Variants in VWA3A observed in about 807,000 individuals in gnomAD.
VWA3A encodes von Willebrand factor A domain containing 3A.
A neutral mutation model predicts 160.4 loss-of-function variants in VWA3A; 134 were observed. The ratio of observed to expected loss-of-function variants is 0.84; its 90% CI spans 0.73 to 0.96. The LOEUF (loss-of-function observed/expected upper bound fraction) is 0.96. Ranked by LOEUF, VWA3A falls within the 40% of genes least tolerant of loss-of-function variation. The pLI, the probability that VWA3A is intolerant of heterozygous loss-of-function variation, is 0.00. For synonymous variants in VWA3A, 476 were observed against 543.4 expected (o/e 0.88, Z 1.72); for missense variants, 1,310 against 1,447.9 (o/e 0.90, Z 1.55).
chr16:22,147,702 C>G (rs1286672382), intron 27 of VWA3A: 1 of 701,150 alleles, frequency 1.4e-6, no homozygotes, highest in Non-Finnish European at 2.6e-6. Context: ...TCTCTCCACC[C>G]TCGGTTCACA....
At chr16:22,113,531 G>A (rs1233917721) in intron 8 of VWA3A, among the ~76,000 whole-genome samples, 1 of 149,624 alleles carries the variant, frequency 6.7e-6, no homozygotes, top group Non-Finnish European at 1.5e-5. Flanking sequence ...AGCCTACCAT[G>A]TGTACTATTG....
chr16:22,114,836 G>A (rs2045607611), intron 8 of VWA3A, among the ~76,000 whole-genome samples: 1 of 146,576 alleles, frequency 6.8e-6, no homozygotes, highest in African/African-American at 2.6e-5. Context: ...GTCTCACTCT[G>A]TTGCCCAGGC....
chr16:22,129,867 G>A (rs947152842), intron 17 of VWA3A, among the ~76,000 whole-genome samples: 17 of 152,082 alleles, frequency 1.1e-4, no homozygotes, highest in African/African-American at 4.1e-4. Context: ...GGGATGCTGT[G>A]TTAGTCCATT....
intron 31 of VWA3A, among the ~76,000 whole-genome samples, chr16:22,154,034 C>T (rs570489994): frequency 5.3e-5 from 8 of 152,198 alleles, no homozygotes; most frequent in Admixed American, 2.0e-4. Flanking sequence ...CCGTCAGGCT[C>T]GGCTGGCATA....
intron 16 of VWA3A, among the ~76,000 whole-genome samples, chr16:22,124,091 G>A (rs372469584): frequency 3.2e-4 from 49 of 151,486 alleles, no homozygotes; most frequent in African/African-American, 1.1e-3. Context: ...AGGGGCAGGC[G>A]GGTCGCTTGA....
At chr16:22,155,754 G>T in intron 32 of VWA3A, 90 bp downstream of exon 32, 2 of 1,602,966 alleles carry the variant, frequency 1.2e-6, no homozygotes, top group Non-Finnish European at 1.7e-6. Flanking sequence ...CACCCATGAT[G>T]GTACCCTTGC....
chr16:22,100,323 G>A lies in VWA3A; in HGVS notation c.350+5G>A. ...AAGCCAGGGCACAGAAGTGCTGTAA[G>A]TCTGAAGCTGTTCCCCGCACCCCCC... On this transcript the variant is annotated splice_donor_5th_base_variant and intron_variant, in intron 4 of 33. Coordinates refer to ENST00000389398, the MANE Select transcript of VWA3A (RefSeq NM_173615.5). 2 of 1,551,606 alleles carry A rather than the reference G, an allele frequency of 1.3e-6. No homozygotes were observed. The highest frequency in any genetic ancestry group is 1.7e-6 in the Non-Finnish European group (2 of 1,146,988).
At chr16:22,100,637 C>G in intron 5 of VWA3A, 144 bp downstream of exon 5, 3 of 753,844 alleles carry the variant, frequency 4.0e-6, no homozygotes, top group Non-Finnish European at 6.6e-6. Flanking sequence ...GAGTTTGAAA[C>G]CAGGCTGGCC....
At chr16:22,133,187 A>G in intron 20 of VWA3A, 92 bp downstream of exon 20, 4 of 1,372,770 alleles carry the variant, frequency 2.9e-6, no homozygotes, top group Non-Finnish European at 4.0e-6. Context: ...TATTCCAGAA[A>G]AGCAGCTTGT....
Position 22,118,782 on chromosome 16 carries a change from C to A in VWA3A, c.991-120C>A. 3.0e-6 allele frequency: 4 copies of A among 1,352,088 alleles called. No individual in the cohort carries two copies. In the East Asian group the frequency reaches 7.0e-5, roughly 24 times the overall value. 83.8% of individuals were successfully genotyped at this position (1,352,088 alleles called of 1,614,324 possible). ...GGCACATGGGTCCCAGTGTATAAGGCCTGGTGGAGAGAGTCTGACCCTCTG... is the reference window on the plus strand; with the variant it reads ...GGCACATGGGTCCCAGTGTATAAGGACTGGTGGAGAGAGTCTGACCCTCTG... On this transcript the variant is annotated intron_variant, in intron 11 of 33. Transcript: ENST00000389398.
intron 12 of VWA3A, among the ~76,000 whole-genome samples, chr16:22,119,911 G>A (rs1176511704): frequency 6.6e-6 from 1 of 151,814 alleles, no homozygotes. Context: ...CCAGCTACAT[G>A]GGAGGCTGAT....
chr16:22,142,077 C>T (rs1007730941), intron 24 of VWA3A, among the ~76,000 whole-genome samples: 12 of 152,102 alleles, frequency 7.9e-5, no homozygotes, highest in African/African-American at 2.7e-4. Context: ...GGCAGGAGGT[C>T]CCAAACAGCC....
At chr16:22,149,712 A>T in intron 28 of VWA3A, 75 bp from the exon 29 acceptor site, 1 of 1,463,014 alleles carries the variant, frequency 6.8e-7, no homozygotes, top group Non-Finnish European at 9.1e-7. Context: ...TCTGAATTCA[A>T]TCTAGACAGG....
Position 22,097,698 on chromosome 16 carries a change from A to T in VWA3A, c.225+3A>T. ...TTAACCAGACACAGGACTTACTGGTAAAGACCATGGCACTTTAACTGGGTC... is the reference window on the plus strand; with the variant it reads ...TTAACCAGACACAGGACTTACTGGTTAAGACCATGGCACTTTAACTGGGTC... On this transcript the variant is annotated splice_donor_region_variant and intron_variant, in intron 3 of 33. Coordinates refer to ENST00000389398, the MANE Select transcript of VWA3A (RefSeq NM_173615.5). 6.4e-7 allele frequency: 1 copy of T among 1,551,416 alleles called. No homozygotes were observed. Among genetic ancestry groups the T allele is most frequent in the Non-Finnish European group, 8.7e-7 (1 of 1,146,762 alleles).
intron 8 of VWA3A, among the ~76,000 whole-genome samples, chr16:22,112,938 C>T (rs1241646570): frequency 6.6e-6 from 1 of 152,206 alleles, no homozygotes; most frequent in Non-Finnish European, 1.5e-5. Flanking sequence ...ATCCTACCCA[C>T]TCTTCACAGG....
intron 16 of VWA3A, among the ~76,000 whole-genome samples, chr16:22,123,927 C>G (rs1241994932): frequency 6.6e-6 from 1 of 152,010 alleles, no homozygotes; most frequent in East Asian, 1.9e-4. Context: ...GCAATCCCAG[C>G]ACTTGGGGAG....
intron 1 of VWA3A, among the ~76,000 whole-genome samples, chr16:22,095,709 C>A (rs537918197): frequency 6.6e-6 from 1 of 151,966 alleles, no homozygotes; most frequent in Admixed American, 6.6e-5. Flanking sequence ...AGGCACATAC[C>A]ACCACACCTG....
chr16:22,123,328 C>T (rs2045780378), intron 15 of VWA3A, 163 bp downstream of exon 15: 1 of 1,140,106 alleles, frequency 8.8e-7, no homozygotes, highest in Admixed American at 2.3e-5. Flanking sequence ...GCCATCTCCT[C>T]CCCAAGCAGG....
At chr16:22,136,051 A>G (rs2046034013) in intron 21 of VWA3A, among the ~76,000 whole-genome samples, 1 of 152,198 alleles carries the variant, frequency 6.6e-6, no homozygotes, top group African/African-American at 2.4e-5. Context: ...TCAGCCTCCC[A>G]AAGTGCTGGG....
Sources: allele counts gnomAD v4.1 joint callset (sites outside exome capture counted in the v4.1 genomes callset), GRCh38; gene constraint gnomAD v4.1.1; transcripts MANE v1.5; gene names NCBI Gene and HGNC (gene_info 2026-07-23, HGNC 2026-07-21).